The following PCSK5 variants were observed in gnomAD, a reference collection of about 807,000 sequenced individuals.
PCSK5 encodes prohormone convertase 5.
PCSK5 carries 129 observed loss-of-function variants against 233.2 expected under a neutral mutation model. The ratio of observed to expected loss-of-function variants is 0.55; its 90% CI spans 0.48 to 0.64. The LOEUF (loss-of-function observed/expected upper bound fraction) is 0.64. Among genes scored for constraint, PCSK5 ranks in the 30% least tolerant of loss-of-function variants. PCSK5 has a pLI of 0.00. For missense variants in PCSK5, 2,076 were observed against 2,430.1 expected, an observed-to-expected ratio of 0.85 and a Z score of 3.06; for synonymous variants, 825 against 879.2, an observed-to-expected ratio of 0.94 and a Z score of 1.09.
chr9:76,329,188 T>C (rs953762196), intron 33 of PCSK5, among the ~76,000 whole-genome samples: 3 of 151,766 alleles, frequency 2.0e-5, no homozygotes, highest in Non-Finnish European at 4.4e-5. Context: ...GCTGTTGGAG[T>C]GCAGTGGCAC....
intron 8 of PCSK5, among the ~76,000 whole-genome samples, chr9:76,098,920 G>T (rs1328959374): frequency 6.6e-6 from 1 of 152,110 alleles, no homozygotes; most frequent in Non-Finnish European, 1.5e-5. Flanking sequence ...TGTCATTTAG[G>T]ATTCTCCCAT....
intron 20 of PCSK5, among the ~76,000 whole-genome samples, chr9:76,201,271 C>T (rs1220741795): frequency 1.3e-5 from 2 of 152,200 alleles, no homozygotes; most frequent in Non-Finnish European, 2.9e-5. Context: ...GCTAGCACTT[C>T]CCTTCCCTAA....
intron 2 of PCSK5, among the ~76,000 whole-genome samples, chr9:75,947,958 C>T (rs1824652225): frequency 6.6e-6 from 1 of 152,154 alleles, no homozygotes; most frequent in Non-Finnish European, 1.5e-5. Flanking sequence ...CTTCCCACCT[C>T]AGCCTCTTGA....
At chr9:76,319,552 A>T (rs1174379090) in intron 30 of PCSK5, among the ~76,000 whole-genome samples, 1 of 152,144 alleles carries the variant, frequency 6.6e-6, no homozygotes, top group Non-Finnish European at 1.5e-5. Flanking sequence ...TCACGCCCAC[A>T]TAAGGGCCGC....
intron 34 of PCSK5, among the ~76,000 whole-genome samples, chr9:76,337,839 T>TAA (rs532649865): frequency 1.6e-5 from 2 of 124,714 alleles, no homozygotes; most frequent in Non-Finnish European, 1.9e-5. Context: ...CATCTCTGTT[T>TAA]TAAAAAAAAA....
intron 34 of PCSK5, among the ~76,000 whole-genome samples, chr9:76,334,271 T>A (rs931877798): frequency 2.6e-5 from 4 of 152,142 alleles, no homozygotes; most frequent in African/African-American, 7.2e-5. Context: ...AAGATGAGAT[T>A]TGGGTGAGAC....
chr9:76,320,465 C>CTTCTTTTTTTTTTT lies in PCSK5; in HGVS notation c.3885-955_3885-954insCTTTTTTTTTTTTT, dbSNP rs1554720984. Among the ~76,000 whole-genome samples, 273 of 101,992 alleles carry CTTCTTTTTTTTTTT rather than the reference C, an allele frequency of 2.7e-3. 6 individuals are homozygous for CTTCTTTTTTTTTTT. The highest frequency in any genetic ancestry group is 4.4e-3 in the Non-Finnish European group (236 of 53,062). 66.9% of individuals were successfully genotyped at this position (101,992 alleles called of 152,430 possible). On this transcript the variant is annotated intron_variant, in intron 30 of 37. Coordinates refer to ENST00000674117, the MANE Select transcript of PCSK5 (RefSeq NM_001372043.1). ...AAGAAAAAAAAAAAGTACATTGTAG[C>CTTCTTTTTTTTTTT]TTTTTTTTTTTTTTTTTTTTTGAGA...
At chr9:76,152,613 C>T (rs933708265) in intron 10 of PCSK5, among the ~76,000 whole-genome samples, 3 of 152,104 alleles carry the variant, frequency 2.0e-5, no homozygotes, top group Non-Finnish European at 4.4e-5. Flanking sequence ...TACTAATAAT[C>T]GTGTTAGTGT....
At chr9:75,911,005 G>C (rs1822702306) in intron 1 of PCSK5, among the ~76,000 whole-genome samples, 1 of 152,110 alleles carries the variant, frequency 6.6e-6, no homozygotes, top group African/African-American at 2.4e-5. Context: ...AGACAGAATT[G>C]AAGCAACATG....
chr9:76,238,566 A>T (rs1826323068), intron 22 of PCSK5, among the ~76,000 whole-genome samples: 1 of 152,236 alleles, frequency 6.6e-6, no homozygotes, highest in Non-Finnish European at 1.5e-5. Flanking sequence ...GCATGTGTTT[A>T]TTCTCATGGG....
chr9:76,245,306 C>G (rs1333463423), intron 24 of PCSK5, among the ~76,000 whole-genome samples: 1 of 152,066 alleles, frequency 6.6e-6, no homozygotes, highest in Non-Finnish European at 1.5e-5. Context: ...TGTCTCCACT[C>G]TTGGGATAAA....
At chr9:76,270,721 C>G (rs933803155) in intron 24 of PCSK5, among the ~76,000 whole-genome samples, 5 of 152,158 alleles carry the variant, frequency 3.3e-5, no homozygotes. Context: ...TTTTGCTAAC[C>G]AGCAGAGGGG....
intron 9 of PCSK5, among the ~76,000 whole-genome samples, chr9:76,117,294 A>G (rs1018533909): frequency 3.9e-5 from 6 of 152,140 alleles, no homozygotes; most frequent in African/African-American, 1.4e-4. Context: ...TAGAGCCTAC[A>G]TTTCAGTCAA....
At chr9:76,302,405 G>A (rs1285473312) in intron 28 of PCSK5, among the ~76,000 whole-genome samples, 188 bp downstream of exon 28, 1 of 152,170 alleles carries the variant, frequency 6.6e-6, no homozygotes, top group Non-Finnish European at 1.5e-5. Flanking sequence ...CACTCAGAGG[G>A]AAGACTGTGA....
chr9:76,342,049 C>T (rs1461368584), intron 35 of PCSK5, among the ~76,000 whole-genome samples: 1 of 152,184 alleles, frequency 6.6e-6, no homozygotes, highest in Non-Finnish European at 1.5e-5. Context: ...ACCTGACTAC[C>T]ATTTTGCATT....
chr9:75,946,391 T>C (rs10781316), intron 2 of PCSK5, among the ~76,000 whole-genome samples: 1 of 151,562 alleles, frequency 6.6e-6, no homozygotes, highest in East Asian at 1.9e-4. Flanking sequence ...GCCACTCCTC[T>C]GTGGGCTTAT....
rs187724869 is a variant in PCSK5, at chr9:76,231,485, G to A, written c.2730-1975G>A. Among the ~76,000 whole-genome samples, 29 of 152,306 alleles carry A rather than the reference G, an allele frequency of 1.9e-4. No individual in the cohort carries two copies. In the East Asian group the frequency reaches 4.6e-3, roughly 24 times the overall value. On this transcript the variant is annotated intron_variant, in intron 21 of 37. Coordinates refer to ENST00000674117, the MANE Select transcript of PCSK5 (RefSeq NM_001372043.1). The stretch of plus-strand genomic sequence containing the variant: ...CACATCCCTTTCTCAATTGATTTTA[G>A]CAAGAAAATAAATCCCCAGAATAAA...
At chr9:76,293,267 G>A (rs1406757651) in intron 25 of PCSK5, among the ~76,000 whole-genome samples, 1 of 152,174 alleles carries the variant, frequency 6.6e-6, no homozygotes, top group Non-Finnish European at 1.5e-5. Flanking sequence ...AAAGTAAAAG[G>A]AGTGTGGAGG....
intron 20 of PCSK5, among the ~76,000 whole-genome samples, chr9:76,212,775 A>T (rs577753458): frequency 2.6e-5 from 4 of 152,218 alleles, no homozygotes; most frequent in Non-Finnish European, 5.9e-5. Context: ...TACTTTATCA[A>T]ATTTAGTCAT....
Sources: allele counts gnomAD v4.1 joint callset (sites outside exome capture counted in the v4.1 genomes callset), GRCh38; gene constraint gnomAD v4.1.1; transcripts MANE v1.5; gene names NCBI Gene and HGNC (gene_info 2026-07-23, HGNC 2026-07-21).